Variants in AR observed in about 807,000 individuals in gnomAD.
AR encodes the protein dihydrotestosterone receptor.
AR carries 8 observed loss-of-function variants against 53.9 expected under a neutral mutation model. The ratio of observed to expected loss-of-function variants is 0.15; its 90% CI spans 0.09 to 0.27. The LOEUF is 0.27. Among genes scored for constraint, AR ranks in the 10% least tolerant of loss-of-function variants. The pLI is 1.00. For synonymous variants in AR, 359 were observed against 316.4 expected (o/e 1.13, Z -1.43); for missense variants, 639 against 742.5 (o/e 0.86, Z 1.62).
Position 67,545,385 on chromosome X carries a change from A to AGC in AR, c.239_240insGC (p.Glu81GlnfsTer95), listed in dbSNP as rs1569263642. 19 of 1,188,954 alleles carry AGC rather than the reference A, an allele frequency of 1.6e-5. No individual in the cohort carries two copies. The East Asian group carries it at 3.3e-4, about 21-fold the overall frequency. ...CAGCAGCAGCAGCAGCAGCAGCAGC[A>AGC]AGAGACTAGCCCCAGGCAGCAGCAG... is the stretch of plus-strand genomic sequence containing the variant. On this transcript the variant is annotated frameshift_variant, in exon 1 of 8. Coordinates refer to ENST00000374690, the MANE Select transcript of AR (RefSeq NM_000044.6). LOFTEE classifies it high-confidence loss of function.
intron 1 of AR, among the ~76,000 whole-genome samples, chrX:67,558,355 C>T (rs1921148201): frequency 8.9e-6 from 1 of 111,835 alleles, no homozygotes. Context: ...GGAAGCAGGC[C>T]TAGAGAGGTT....
chrX:67,607,031 G>T (rs1471537296), intron 1 of AR, among the ~76,000 whole-genome samples: 3 of 105,014 alleles, frequency 2.9e-5, no homozygotes, highest in African/African-American at 6.9e-5. Context: ...TTGTGTTTTT[G>T]TTTTTTTTTT....
intron 1 of AR, among the ~76,000 whole-genome samples, chrX:67,552,271 T>C (rs1294533487): frequency 8.9e-6 from 1 of 112,490 alleles, no homozygotes; most frequent in Non-Finnish European, 1.9e-5. Flanking sequence ...TGAAATCATG[T>C]AATATGTGGT....
rs1303113993 is a variant in AR at position 67,711,696 on chromosome X, A to C, written c.2173+7A>C. ...TGGGCCAAGGCCTTGCCTGGTAAGG[A>C]AAAGGGAAGTGGGAGCATGAGATAA... is the stretch of plus-strand genomic sequence containing the variant. On this transcript the variant is annotated splice_region_variant and intron_variant, in intron 4 of 7. Coordinates refer to ENST00000374690, the MANE Select transcript of AR (RefSeq NM_000044.6). 8.3e-7 allele frequency: 1 copy of C among 1,198,295 alleles called. No homozygotes were observed. Among genetic ancestry groups the C allele is most frequent in the African/African-American group, 1.8e-5 (1 of 56,870 alleles).
At chrX:67,550,727 C>G (rs917945746) in intron 1 of AR, among the ~76,000 whole-genome samples, 2 of 109,353 alleles carry the variant, frequency 1.8e-5, no homozygotes, top group Admixed American at 9.8e-5. Flanking sequence ...GGAAATCTCT[C>G]CCTACCCCCC....
At chrX:67,692,360 G>T (rs922845352) in intron 3 of AR, among the ~76,000 whole-genome samples, 79 of 112,636 alleles carry the variant, frequency 7.0e-4, no homozygotes, top group African/African-American at 2.5e-3. Context: ...TTTGATAGCT[G>T]AGTGCTTTAG....
chrX:67,671,684 C>A (rs767313341), intron 2 of AR, among the ~76,000 whole-genome samples: 15 of 111,886 alleles, frequency 1.3e-4, no homozygotes, highest in Non-Finnish European at 2.4e-4. Flanking sequence ...ATGCCTATGT[C>A]CTGGATGGTA....
chrX:67,577,193 G>A (rs1922095589), intron 1 of AR, among the ~76,000 whole-genome samples: 1 of 109,985 alleles, frequency 9.1e-6, no homozygotes, highest in Non-Finnish European at 1.9e-5. Context: ...TAGCCATTCT[G>A]GACATTTCAT....
intron 4 of AR, among the ~76,000 whole-genome samples, chrX:67,717,223 A>G (rs1380193477): frequency 1.8e-5 from 2 of 112,189 alleles, no homozygotes; most frequent in Non-Finnish European, 1.9e-5. Context: ...TTTTTCTCTT[A>G]CAACTGACAA....
Position 67,700,846 on chromosome X carries a change from G to C in AR, c.1886-10556G>C, listed in dbSNP as rs140468501. Among the ~76,000 whole-genome samples, 18 of 112,087 alleles carry C rather than the reference G, an allele frequency of 1.6e-4. No homozygotes were observed. The East Asian group carries it at 4.8e-3, about 30-fold the overall frequency. ...CCCAGGGAGATCTGAGTCATTGGTG[G>C]GAAAGTCGAGGCGACAGATTATATC... On this transcript the variant is annotated intron_variant, in intron 3 of 7. Transcript: ENST00000374690.
At chrX:67,680,631 G>T (rs2075927760) in intron 2 of AR, 1 of 320,728 alleles carries the variant, frequency 3.1e-6, no homozygotes, top group African/African-American at 2.7e-5. Context: ...TAACAATGAA[G>T]ATGATGACTC....
At chrX:67,715,308 C>A (rs1005128615) in intron 4 of AR, among the ~76,000 whole-genome samples, 23 of 110,326 alleles carry the variant, frequency 2.1e-4, no homozygotes, top group African/African-American at 7.3e-4. Flanking sequence ...AGAAGGGTTC[C>A]AAGCAGGAAC....
chrX:67,553,571 T>C (rs1032825225), intron 1 of AR, among the ~76,000 whole-genome samples: 3 of 111,978 alleles, frequency 2.7e-5, no homozygotes, highest in African/African-American at 9.7e-5. Flanking sequence ...GGGATAAGCT[T>C]GTCAATTTCT....
chrX:67,593,766 T>G (rs1719245522), intron 1 of AR, among the ~76,000 whole-genome samples: 1 of 112,786 alleles, frequency 8.9e-6, no homozygotes, highest in Admixed American at 9.4e-5. Flanking sequence ...ATGACAAATA[T>G]ACATGAATTT....
chrX:67,608,079 A>T, intron 1 of AR, among the ~76,000 whole-genome samples: 1 of 112,431 alleles, frequency 8.9e-6, no homozygotes, highest in Admixed American at 9.4e-5. Context: ...TCACTGGCCA[A>T]AAATCAACAT....
intron 1 of AR, among the ~76,000 whole-genome samples, chrX:67,601,050 A>G (rs1387288943): frequency 8.9e-6 from 1 of 112,101 alleles, no homozygotes; most frequent in Admixed American, 9.5e-5. Context: ...AATAAATGAA[A>G]TGAAATAAAA....
At chrX:67,702,980 AGGAG>A (rs1399974331) in intron 3 of AR, among the ~76,000 whole-genome samples, 1 of 111,360 alleles carries the variant, frequency 9.0e-6, no homozygotes, top group Non-Finnish European at 1.9e-5. Flanking sequence ...TGGGAGACTG[AGGAG>A]GGAGAATTGC....
intron 1 of AR, among the ~76,000 whole-genome samples, chrX:67,587,711 T>G (rs1922617531): frequency 9.0e-6 from 1 of 111,638 alleles, no homozygotes; most frequent in Admixed American, 9.5e-5. Flanking sequence ...ATTTGGGTTA[T>G]ACTTACTCAT....
At chrX:67,630,576 G>T (rs1284722973) in intron 1 of AR, among the ~76,000 whole-genome samples, 2 of 110,989 alleles carry the variant, frequency 1.8e-5, no homozygotes, top group East Asian at 2.8e-4. Context: ...ACACTGATGG[G>T]TCTTGACTCT....
Sources: gnomAD v4.1 joint callset for allele counts (sites outside exome capture counted in the v4.1 genomes callset) on GRCh38, gnomAD v4.1.1 for gene constraint, MANE v1.5 for transcripts, NCBI Gene and HGNC (gene_info 2026-07-23, HGNC 2026-07-21) for gene names.